SATB2: variants seen among roughly 807,000 people sequenced by gnomAD.
The protein encoded by SATB2 is DNA-binding protein SATB2.
SATB2 carries 1 observed loss-of-function variant against 73.4 expected under a neutral mutation model. The observed-to-expected ratio is 0.01, with a 90% CI of 0.00 to 0.06. The LOEUF (loss-of-function observed/expected upper bound fraction) is 0.06. SATB2 is among the 10% of genes least tolerant of loss of function. The pLI is 1.00. For missense variants in SATB2, 459 were observed against 945.8 expected, an observed-to-expected ratio of 0.49 and a Z score of 6.75; for synonymous variants, 397 against 367.0, an observed-to-expected ratio of 1.08 and a Z score of -0.93.
chr2:199,329,816 G>A (rs539100389), intron 7 of SATB2, among the ~76,000 whole-genome samples: 3 of 152,284 alleles, frequency 2.0e-5, no homozygotes, highest in East Asian at 1.9e-4. Flanking sequence ...CCAGAAAAGG[G>A]CTGGAGATCT....
At chr2:199,401,471 T>A (rs1421004673) in intron 3 of SATB2, among the ~76,000 whole-genome samples, 1 of 151,342 alleles carries the variant, frequency 6.6e-6, no homozygotes, top group Non-Finnish European at 1.5e-5. Flanking sequence ...GAGAATTGCT[T>A]GAACCCGGGA....
chr2:199,458,809 G>C (rs1396834470), upstream of SATB2: 1 of 309,970 alleles, frequency 3.2e-6, no homozygotes, highest in Non-Finnish European at 6.2e-6. Context: ...AACTTTTCCC[G>C]GTGCCTGCGA....
chr2:199,408,606 A>T (rs2105900173), intron 3 of SATB2, among the ~76,000 whole-genome samples: 1 of 152,160 alleles, frequency 6.6e-6, no homozygotes, highest in South Asian at 2.1e-4. Flanking sequence ...TACTTTTGCA[A>T]CAACTTAATA....
intron 6 of SATB2, among the ~76,000 whole-genome samples, chr2:199,363,233 C>T (rs1374206397): frequency 1.3e-5 from 2 of 152,140 alleles, no homozygotes; most frequent in Non-Finnish European, 2.9e-5. Context: ...CTATCAGTGA[C>T]TATCACAATG....
intron 3 of SATB2, among the ~76,000 whole-genome samples, chr2:199,421,679 A>G (rs1251398215): frequency 6.6e-6 from 1 of 152,230 alleles, no homozygotes; most frequent in African/African-American, 2.4e-5. Flanking sequence ...AAATGTGGGT[A>G]AGAACAAGAC....
intron 10 of SATB2, among the ~76,000 whole-genome samples, chr2:199,285,702 TACAGC>T: frequency 6.8e-6 from 1 of 146,320 alleles, no homozygotes; most frequent in African/African-American, 2.5e-5. Flanking sequence ...TCTTAGCACA[TACAGC>T]TATAGGAGAG....
At chr2:199,364,371 A>T (rs1689226123) in intron 6 of SATB2, among the ~76,000 whole-genome samples, 1 of 152,080 alleles carries the variant, frequency 6.6e-6, no homozygotes, top group African/African-American at 2.4e-5. Context: ...TGGACGTTTG[A>T]TCTTGCAAGA....
chr2:199,422,873 C>A (rs67531559), intron 3 of SATB2, among the ~76,000 whole-genome samples: 21,035 of 152,034 alleles, frequency 0.14, 1,789 homozygotes, highest in East Asian at 0.45. Context: ...TATGTAAAAG[C>A]TTCAATTTCC....
At chr2:199,466,522 T>C (rs1265629497), upstream of SATB2, among the ~76,000 whole-genome samples, 3 of 152,144 alleles carry the variant, frequency 2.0e-5, no homozygotes, top group Non-Finnish European at 4.4e-5. Context: ...TATCAGGAAG[T>C]TGAGATCAGT....
At chr2:199,460,019 G>C (rs1692439449), upstream of SATB2, 1 of 152,142 alleles carries the variant, frequency 6.6e-6, no homozygotes, top group South Asian at 2.1e-4. This position sits in a 1 kb window ranked among gnomAD's most constrained non-coding sequence, Gnocchi z 4.0. Context: ...AAAGAAGTCC[G>C]AGGCGACCTG....
chr2:199,448,061 A>G (rs967676634), intron 2 of SATB2, among the ~76,000 whole-genome samples: 1 of 152,216 alleles, frequency 6.6e-6, no homozygotes, highest in African/African-American at 2.4e-5. Context: ...AGAGACATTT[A>G]TCATGCTGCT....
At chr2:199,360,610 T>C (rs1234719743) in intron 6 of SATB2, among the ~76,000 whole-genome samples, 1 of 152,178 alleles carries the variant, frequency 6.6e-6, no homozygotes, top group African/African-American at 2.4e-5. Context: ...CTATTACTCT[T>C]TCTTTCAAAG....
chr2:199,355,485 G>GC (rs1355586964), intron 6 of SATB2, among the ~76,000 whole-genome samples: 1 of 151,578 alleles, frequency 6.6e-6, no homozygotes, highest in Non-Finnish European at 1.5e-5. Context: ...ATGACTTAGT[G>GC]CCCCAAAGTA....
chr2:199,455,844 G>C lies in SATB2; in HGVS notation c.169+25C>G. 6.5e-7 allele frequency: 1 copy of C among 1,534,408 alleles called. No homozygotes were observed. The highest frequency in any genetic ancestry group is 8.7e-7 in the Non-Finnish European group (1 of 1,146,522). On this transcript the variant is annotated intron_variant, in intron 2 of 10. Transcript: ENST00000417098. The surrounding 1 kb of genome is among the most constrained non-coding windows in gnomAD (Gnocchi z 4.1). Reference sequence around the variant, plus strand: ...CCATTATCACTGGGCCGCGGGCTGCGCGCCTCCCTGCTCCGGGCTGTTACC... The same window carrying C: ...CCATTATCACTGGGCCGCGGGCTGCCCGCCTCCCTGCTCCGGGCTGTTACC...
chr2:199,471,204 C>T (rs1288718171), exon 1 of SATB2: 3 of 152,406 alleles, frequency 2.0e-5, no homozygotes, highest in Non-Finnish European at 4.4e-5. Flanking sequence ...GCTCCGTGTT[C>T]CAAGGATGGT....
intron 7 of SATB2, among the ~76,000 whole-genome samples, chr2:199,337,735 C>T (rs949014567): frequency 1.2e-4 from 18 of 152,126 alleles, no homozygotes; most frequent in East Asian, 7.7e-4. Flanking sequence ...GAACTGTATA[C>T]AGAATTGAAA....
intron 9 of SATB2, among the ~76,000 whole-genome samples, chr2:199,314,381 A>C (rs1218653942): frequency 6.6e-6 from 1 of 151,358 alleles, no homozygotes; most frequent in Non-Finnish European, 1.5e-5. Context: ...TCTCAGAAGC[A>C]ACTTTGTCAC....
intron 7 of SATB2, among the ~76,000 whole-genome samples, chr2:199,346,219 G>A (rs765712864): frequency 1.3e-5 from 2 of 150,140 alleles, no homozygotes; most frequent in African/African-American, 4.9e-5. Context: ...GCGCAATCTC[G>A]GCTCACTGCA....
At chr2:199,399,689 G>A (rs1456431482) in intron 3 of SATB2, among the ~76,000 whole-genome samples, 1 of 152,170 alleles carries the variant, frequency 6.6e-6, no homozygotes, top group Non-Finnish European at 1.5e-5. Flanking sequence ...CAAAGGAGGA[G>A]CGAGGCAGCT....
Sources: gnomAD v4.1 joint callset for allele counts (sites outside exome capture counted in the v4.1 genomes callset) on GRCh38, gnomAD v4.1.1 for gene constraint, Gnocchi (gnomAD v3.1) non-coding constraint, MANE v1.5 for transcripts, NCBI Gene and HGNC (gene_info 2026-07-23, HGNC 2026-07-21) for gene names.